Variants in GLIPR1L2 observed in about 807,000 individuals in gnomAD.
The protein encoded by GLIPR1L2 is GLIPR1 like 2, also known as GLIPR1-like protein 2.
A neutral mutation model predicts 28.4 loss-of-function variants in GLIPR1L2; 21 were observed. That is an observed-to-expected ratio of 0.74 (90% CI 0.52 to 1.06). The LOEUF (loss-of-function observed/expected upper bound fraction) is 1.06, where lower values mean the gene tolerates loss of function less well. Ranked by LOEUF, GLIPR1L2 falls within the 50% of genes least tolerant of loss-of-function variation. GLIPR1L2 has a pLI of 0.00. For missense variants in GLIPR1L2, 476 were observed against 416.9 expected, an observed-to-expected ratio of 1.14 and a Z score of -1.23; for synonymous variants, 145 against 139.3, an observed-to-expected ratio of 1.04 and a Z score of -0.29.
At chr12:75,396,637 A>C (rs2045683919) in intron 1 of GLIPR1L2, among the ~76,000 whole-genome samples, 2 of 152,192 alleles carry the variant, frequency 1.3e-5, no homozygotes, top group South Asian at 4.1e-4. Flanking sequence ...CTGAACTCAG[A>C]GGTTCCCACA....
At chr12:75,419,065 G>A (rs2045952209) in intron 3 of GLIPR1L2, among the ~76,000 whole-genome samples, 1 of 152,092 alleles carries the variant, frequency 6.6e-6, no homozygotes, top group South Asian at 2.1e-4. Context: ...AATGTAGATG[G>A]TGGGTTGATG....
rs1285243094 is a variant in GLIPR1L2, at chr12:75,413,697, C to G, written c.580C>G (p.Pro194Ala). The change falls in exon 3 of 6, where the codon CCA (proline) becomes GCA (alanine). Residue 194 changes from proline to alanine, a missense_variant. Transcript: ENST00000550916. ...HAAIFICNYA[P>A]GGTLTRRPYE... The stretch of plus-strand genomic sequence containing the variant: ...AGCAATTTTCATATGCAACTATGCG[C>G]CAGGGTAAGTTACTTAAAATTAATA... 1 of 1,421,540 alleles carries G rather than the reference C, an allele frequency of 7.0e-7. No homozygotes were observed. The highest frequency in any genetic ancestry group is 1.5e-5 in the African/African-American group (1 of 68,246). The allele number at this position is 1,421,540 out of a possible 1,614,324, so 88.1% of individuals were successfully genotyped here.
At chr12:75,421,915 T>C (rs1017726794) in intron 3 of GLIPR1L2, among the ~76,000 whole-genome samples, 2 of 152,142 alleles carry the variant, frequency 1.3e-5, no homozygotes, top group African/African-American at 4.8e-5. Flanking sequence ...CTATGAAACT[T>C]TTTATGTATT....
At chr12:75,408,438 A>G (rs1368540069) in intron 1 of GLIPR1L2, among the ~76,000 whole-genome samples, 5 of 151,916 alleles carry the variant, frequency 3.3e-5, no homozygotes, top group East Asian at 1.9e-4. Context: ...AACAGAAATA[A>G]TAATAATAAT....
chr12:75,391,134 C>T lies in GLIPR1L2; in HGVS notation c.18C>T (p.Pro6=), dbSNP rs535323724. Residue 6 remains proline (P), a synonymous_variant, in exon 1 of 6, where the codon CCC becomes CCT. Transcript: ENST00000550916. MEAAR[P]FAREWRAQSL... ...GGTGGACCATGGAGGCCGCAAGGCCCTTCGCCCGGGAGTGGAGGGCCCAGT... is the reference window on the plus strand; with the variant it reads ...GGTGGACCATGGAGGCCGCAAGGCCTTTCGCCCGGGAGTGGAGGGCCCAGT... 3.3e-5 allele frequency: 53 copies of T among 1,613,776 alleles called. No individual in the cohort carries two copies. In the Admixed American group the frequency reaches 5.0e-4, roughly 15 times the overall value.
intron 3 of GLIPR1L2, among the ~76,000 whole-genome samples, chr12:75,417,077 A>G (rs1221191221): frequency 6.6e-6 from 1 of 152,146 alleles, no homozygotes; most frequent in African/African-American, 2.4e-5. Context: ...CCTAATTTCC[A>G]GAACCTGTCA....
rs535323724 is a variant in GLIPR1L2, at chr12:75,391,134, C to G, written c.18C>G (p.Pro6=). 2 of 1,613,658 alleles carry G rather than the reference C, an allele frequency of 1.2e-6. No individual in the cohort carries two copies. Among genetic ancestry groups the G allele is most frequent in the African/African-American group, 1.3e-5 (1 of 74,924 alleles). Residue 6 remains proline (P), a synonymous_variant, in exon 1 of 6, where the codon CCC becomes CCG. Coordinates refer to ENST00000550916, the MANE Select transcript of GLIPR1L2 (RefSeq NM_001270396.2). MEAAR[P]FAREWRAQSL... Reference sequence around the variant, plus strand: ...GGTGGACCATGGAGGCCGCAAGGCCCTTCGCCCGGGAGTGGAGGGCCCAGT... The same window carrying G: ...GGTGGACCATGGAGGCCGCAAGGCCGTTCGCCCGGGAGTGGAGGGCCCAGT...
At chr12:75,422,462 C>A (rs1287934881) in intron 3 of GLIPR1L2, among the ~76,000 whole-genome samples, 1 of 152,068 alleles carries the variant, frequency 6.6e-6, no homozygotes, top group Non-Finnish European at 1.5e-5. Context: ...GCCACCGCAC[C>A]TGGCTAATTT....
At chr12:75,421,874 G>C (rs1393225703) in intron 3 of GLIPR1L2, among the ~76,000 whole-genome samples, 2 of 152,060 alleles carry the variant, frequency 1.3e-5, no homozygotes, top group Non-Finnish European at 2.9e-5. Flanking sequence ...TCAGAATTTT[G>C]TAAACTCTAC....
chr12:75,402,114 G>C lies in GLIPR1L2; in HGVS notation c.235-8320G>C, dbSNP rs76908100. ...AGATGGAGATGAGATTGCAAGAAGTGTAAGACAATATTTATTATGTCCAAC... is the reference window on the plus strand; with the variant it reads ...AGATGGAGATGAGATTGCAAGAAGTCTAAGACAATATTTATTATGTCCAAC... On this transcript the variant is annotated intron_variant, in intron 1 of 5. Transcript: ENST00000550916. 4.0e-3 allele frequency among the ~76,000 whole-genome samples: 613 copies of C among 152,236 alleles called. 27 individuals carry two copies. The East Asian group carries it at 0.1, about 26-fold the overall frequency.
intron 1 of GLIPR1L2, among the ~76,000 whole-genome samples, chr12:75,399,459 C>T (rs781084621): frequency 6.6e-6 from 1 of 152,116 alleles, no homozygotes; most frequent in Non-Finnish European, 1.5e-5. Flanking sequence ...TATTGTTGAA[C>T]TTTGGAGTTT....
At chr12:75,407,740 A>G (rs1009287724) in intron 1 of GLIPR1L2, among the ~76,000 whole-genome samples, 1 of 152,084 alleles carries the variant, frequency 6.6e-6, no homozygotes, top group Non-Finnish European at 1.5e-5. Flanking sequence ...GTAATTGACT[A>G]TTTCCCTGTG....
intron 2 of GLIPR1L2, among the ~76,000 whole-genome samples, chr12:75,412,962 T>C (rs2045884643): frequency 6.6e-6 from 1 of 151,686 alleles, no homozygotes; most frequent in African/African-American, 2.4e-5. Flanking sequence ...CCAACAACGA[T>C]AGACTGGATT....
At chr12:75,412,251 T>C (rs1169556173) in intron 2 of GLIPR1L2, among the ~76,000 whole-genome samples, 1 of 151,982 alleles carries the variant, frequency 6.6e-6, no homozygotes, top group African/African-American at 2.4e-5. Flanking sequence ...AGGTTGAAAA[T>C]TGATTCATCA....
At chr12:75,426,609 G>A (rs2046036706) in intron 4 of GLIPR1L2, among the ~76,000 whole-genome samples, 1 of 152,160 alleles carries the variant, frequency 6.6e-6, no homozygotes, top group Admixed American at 6.5e-5. Context: ...TCACAGAACT[G>A]TACTTCCTGG....
At chr12:75,418,852 T>C (rs1022409060) in intron 3 of GLIPR1L2, among the ~76,000 whole-genome samples, 14 of 152,124 alleles carry the variant, frequency 9.2e-5, no homozygotes, top group African/African-American at 2.7e-4. Context: ...CTTTTATTCA[T>C]GTCCTTTGCA....
At chr12:75,400,941 T>G (rs1382292812) in intron 1 of GLIPR1L2, among the ~76,000 whole-genome samples, 1 of 151,778 alleles carries the variant, frequency 6.6e-6, no homozygotes, top group Non-Finnish European at 1.5e-5. Context: ...GTGTGTGTAT[T>G]TTTGTTATTT....
intron 1 of GLIPR1L2, among the ~76,000 whole-genome samples, chr12:75,394,715 G>A (rs1008938316): frequency 1.4e-4 from 19 of 137,286 alleles, no homozygotes; most frequent in Admixed American, 2.5e-4. Context: ...GCCATACAGG[G>A]TCCTTTCAGA....
chr12:75,421,791 T>C (rs775402375), intron 3 of GLIPR1L2, among the ~76,000 whole-genome samples: 10 of 152,084 alleles, frequency 6.6e-5, no homozygotes, highest in Non-Finnish European at 1.0e-4. Context: ...TATTTGCTTC[T>C]TTATAAATTT....
Sources: allele counts gnomAD v4.1 joint callset (sites outside exome capture counted in the v4.1 genomes callset), GRCh38; gene constraint gnomAD v4.1.1; transcripts MANE v1.5; gene names NCBI Gene and HGNC (gene_info 2026-07-23, HGNC 2026-07-21).